Variants in COLEC10 observed in about 807,000 individuals in gnomAD.
COLEC10 encodes the protein collectin subfamily member 10, also known as collectin-10.
A neutral mutation model predicts 28.4 loss-of-function variants in COLEC10; 22 were observed. The ratio of observed to expected loss-of-function variants is 0.78; its 90% CI spans 0.55 to 1.11. The LOEUF (loss-of-function observed/expected upper bound fraction) is 1.11, where lower values mean the gene tolerates loss of function less well. COLEC10 is among the 50% of genes least tolerant of loss of function. COLEC10 has a pLI of 0.00. For missense variants in COLEC10, 361 were observed against 344.1 expected, an observed-to-expected ratio of 1.05 and a Z score of -0.39; for synonymous variants, 125 against 116.1, an observed-to-expected ratio of 1.08 and a Z score of -0.49.
At chr8:118,992,902 G>T (rs1813526730), upstream of COLEC10, among the ~76,000 whole-genome samples, 1 of 152,084 alleles carries the variant, frequency 6.6e-6, no homozygotes, top group South Asian at 2.1e-4. Context: ...GAATGTCCCA[G>T]TATTATCATT....
At chr8:119,073,011 G>A (rs1319537449) in intron 1 of COLEC10, among the ~76,000 whole-genome samples, 2 of 152,228 alleles carry the variant, frequency 1.3e-5, no homozygotes, top group Admixed American at 6.5e-5. Context: ...TTCCCCAAAC[G>A]GATAGACAGA....
At chr8:118,987,576 A>G in the COLEC10 span, among the ~76,000 whole-genome samples, 20 of 152,290 alleles carry the variant, frequency 1.3e-4, no homozygotes, top group Admixed American at 7.2e-4. Context: ...AAAATAAAAA[A>G]GAAAGACTGA....
At chr8:119,048,008 G>GT (rs921718529) in intron 2 of COLEC10, among the ~76,000 whole-genome samples, 4 of 152,110 alleles carry the variant, frequency 2.6e-5, no homozygotes, top group Non-Finnish European at 4.4e-5. Context: ...AAAGTTGGGG[G>GT]TTTTTTAAAT....
rs1012526345 is a variant in COLEC10 at position 119,067,473 on chromosome 8, A to T, written c.148+44A>T. 1.2e-5 allele frequency: 18 copies of T among 1,553,002 alleles called. No individual in the cohort carries two copies. In the African/African-American group the frequency reaches 2.2e-4, roughly 19 times the overall value. ...AATTTTCATGTATAATAAATATGAT[A>T]TCTTCCCTCATCTCTGAACCCCTTC... is the stretch of plus-strand genomic sequence containing the variant. On this transcript the variant is annotated intron_variant, in intron 1 of 5. Transcript: ENST00000332843.
At chr8:119,025,566 A>C in intron 2 of COLEC10, among the ~76,000 whole-genome samples, 1 of 152,124 alleles carries the variant, frequency 6.6e-6, no homozygotes, top group Non-Finnish European at 1.5e-5. Context: ...GTCTTCAAAA[A>C]ATTTTCAGTG....
chr8:119,049,992 C>A (rs1814649750), intron 2 of COLEC10, among the ~76,000 whole-genome samples: 1 of 152,094 alleles, frequency 6.6e-6, no homozygotes, highest in African/African-American at 2.4e-5. Flanking sequence ...AAGTTGATTG[C>A]CTGTTCTCAT....
the COLEC10 span, among the ~76,000 whole-genome samples, chr8:118,989,090 T>C: frequency 1.3e-5 from 2 of 152,168 alleles, no homozygotes; most frequent in East Asian, 3.8e-4. Context: ...ATAATTAATG[T>C]GCTAAAGGCA....
intron 1 of COLEC10, among the ~76,000 whole-genome samples, chr8:119,002,232 A>C (rs1220907826): frequency 6.6e-6 from 1 of 152,152 alleles, no homozygotes; most frequent in Non-Finnish European, 1.5e-5. Context: ...TTTCATTTAA[A>C]ATATGCTTCA....
chr8:119,049,180 G>C (rs1814633230), intron 2 of COLEC10, among the ~76,000 whole-genome samples: 1 of 151,982 alleles, frequency 6.6e-6, no homozygotes, highest in Admixed American at 6.5e-5. Flanking sequence ...CTTCTGACTT[G>C]TAAAGCTTCT....
intron 1 of COLEC10, among the ~76,000 whole-genome samples, chr8:118,999,028 C>A (rs189008567): frequency 3.5e-4 from 53 of 152,050 alleles, no homozygotes; most frequent in African/African-American, 1.3e-3. Context: ...TTCATAAGAA[C>A]CCCAGGCACA....
rs1215408689 is a variant in COLEC10 at position 119,106,255 on chromosome 8, C to CT, written c.*71dup. On this transcript the variant is annotated 3_prime_UTR_variant, in exon 6 of 6. Transcript: ENST00000332843. ...GTCATTACAGTTATTGTTATCCATCCTTTTTTTCCTGATTGTACTACATTT... is the reference window on the plus strand; with the variant it reads ...GTCATTACAGTTATTGTTATCCATCCTTTTTTTTCCTGATTGTACTACATTT... The CT allele has an allele frequency of 6.7e-7, 1 of 1,490,804 alleles. No homozygotes were observed. The highest frequency in any genetic ancestry group is 1.5e-5 in the African/African-American group (1 of 65,764). 92.3% of individuals were successfully genotyped at this position (1,490,804 alleles called of 1,614,324 possible).
intron 2 of COLEC10, 26 bp downstream of exon 2, chr8:119,089,777 A>C: frequency 6.3e-7 from 1 of 1,584,158 alleles, no homozygotes; most frequent in Non-Finnish European, 8.7e-7. Flanking sequence ...TGAAACTGAC[A>C]TTTTAATATC....
At chr8:118,968,171 A>G in the COLEC10 span, among the ~76,000 whole-genome samples, 1 of 151,382 alleles carries the variant, frequency 6.6e-6, no homozygotes, top group South Asian at 2.1e-4. Flanking sequence ...ATTTTTTTTC[A>G]GTTCTTGGGG....
intron 2 of COLEC10, among the ~76,000 whole-genome samples, chr8:119,037,106 A>C (rs1322823864): frequency 1.3e-5 from 2 of 152,226 alleles, no homozygotes; most frequent in Non-Finnish European, 2.9e-5. Context: ...ATCCCAACAC[A>C]GAGATTATGT....
upstream of COLEC10, among the ~76,000 whole-genome samples, chr8:119,064,004 G>A (rs140411206): frequency 3.1e-4 from 47 of 152,122 alleles, no homozygotes; most frequent in Admixed American, 2.9e-3. Flanking sequence ...TTAAAACCAC[G>A]TTTTAAGGCA....
chr8:119,013,335 T>A (rs962592461), intron 2 of COLEC10, among the ~76,000 whole-genome samples: 1 of 150,756 alleles, frequency 6.6e-6, no homozygotes, highest in African/African-American at 2.5e-5. Flanking sequence ...AGACATTGTA[T>A]GATTTCTGCT....
chr8:119,050,609 G>T (rs1354073281), intron 2 of COLEC10, among the ~76,000 whole-genome samples: 3 of 152,092 alleles, frequency 2.0e-5, no homozygotes, highest in African/African-American at 7.2e-5. Context: ...TATCTTTTAA[G>T]ACAACACAAA....
In COLEC10 at chr8:119,022,696, ACCTCTACTCTTCTTGCAT is replaced by A; in HGVS notation, n.235+13144_235+13161del. Among the ~76,000 whole-genome samples the A allele has an allele frequency of 2.0e-5, 3 of 152,010 alleles. No homozygotes were observed. The East Asian group carries it at 5.8e-4, about 29-fold the overall frequency. On this transcript the variant is annotated intron_variant and non_coding_transcript_variant, in intron 2 of 6. Coordinates refer to the COLEC10 transcript ENST00000521788. ...CCTGGATTGTTGCAGGAGCCTCCTA[ACCTCTACTCTTCTTGCAT>A]AATACCCAGTCCCCTCCACTGGCTG... is the stretch of plus-strand genomic sequence containing the variant.
At chr8:119,037,742 C>G (rs995597092) in intron 2 of COLEC10, among the ~76,000 whole-genome samples, 1 of 152,238 alleles carries the variant, frequency 6.6e-6, no homozygotes, top group Non-Finnish European at 1.5e-5. Flanking sequence ...ATCTCTAGCA[C>G]CTGTGCATCC....
Sources: gnomAD v4.1 joint callset for allele counts (sites outside exome capture counted in the v4.1 genomes callset) on GRCh38, gnomAD v4.1.1 for gene constraint, MANE v1.5 for transcripts, NCBI Gene and HGNC (gene_info 2026-07-23, HGNC 2026-07-21) for gene names.